Variants in HS2ST1 observed in about 807,000 individuals in gnomAD.
HS2ST1 encodes the protein heparan sulfate 2-O-sulfotransferase 1.
HS2ST1 carries 18 observed loss-of-function variants against 42.9 expected under a neutral mutation model. The observed-to-expected ratio is 0.42, with a 90% CI of 0.29 to 0.62. The LOEUF (loss-of-function observed/expected upper bound fraction) is 0.62, where lower values mean the gene tolerates loss of function less well. Among genes scored for constraint, HS2ST1 ranks in the 20% least tolerant of loss-of-function variants. The pLI, the probability that HS2ST1 is intolerant of heterozygous loss-of-function variation, is 0.21. For synonymous variants in HS2ST1, 146 were observed against 152.9 expected, an observed-to-expected ratio of 0.95 and a Z score of 0.33; for missense variants, 334 against 433.8, an observed-to-expected ratio of 0.77 and a Z score of 2.04.
intron 1 of HS2ST1, chr1:86,932,378 TCTC>T (rs1372649919): frequency 6.6e-6 from 1 of 152,030 alleles, no homozygotes; most frequent in African/African-American, 2.4e-5. Context: ...ATGTTATAAT[TCTC>T]CTGGTTGTTC....
At chr1:87,016,330 C>G (rs1649757711) in intron 1 of HS2ST1, among the ~76,000 whole-genome samples, 1 of 152,164 alleles carries the variant, frequency 6.6e-6, no homozygotes, top group African/African-American at 2.4e-5. Flanking sequence ...CTCTTCACCT[C>G]CCATTAGAAA....
chr1:86,963,763 G>A lies in HS2ST1; in HGVS notation c.124+48603G>A, dbSNP rs1349819700. On this transcript the variant is annotated intron_variant, in intron 1 of 6. Transcript: ENST00000370550. The stretch of plus-strand genomic sequence containing the variant: ...AGAGGCGCCCCCCCCCCCACCTCCC[G>A]GACGGGGCAGCTGGCCGGGTGGGGG... Among the ~76,000 whole-genome samples the A allele has an allele frequency of 1.2e-4, 16 of 131,936 alleles. No homozygotes were observed. The East Asian group carries it at 1.5e-3, about 13-fold the overall frequency. 86.6% of individuals were successfully genotyped at this position (131,936 alleles called of 152,430 possible).
At chr1:87,060,777 A>G (rs1214757052) in intron 1 of HS2ST1, among the ~76,000 whole-genome samples, 2 of 152,200 alleles carry the variant, frequency 1.3e-5, no homozygotes, top group African/African-American at 4.8e-5. Flanking sequence ...GTATAGCCAT[A>G]GCCAAGCTTG....
chr1:86,933,532 T>G (rs1660584725), intron 1 of HS2ST1, among the ~76,000 whole-genome samples: 1 of 152,164 alleles, frequency 6.6e-6, no homozygotes, highest in African/African-American at 2.4e-5. Flanking sequence ...CTGCCTACAG[T>G]GGGCATCAGT....
Position 87,050,606 on chromosome 1 carries a change from C to G in HS2ST1, c.125-22328C>G, listed in dbSNP as rs116298599. Among the ~76,000 whole-genome samples, 303 of 152,170 alleles carry G rather than the reference C, an allele frequency of 2.0e-3. 1 individual carries two copies. Among genetic ancestry groups the G allele is most frequent in the Non-Finnish European group, 3.9e-3 (264 of 67,948 alleles). On this transcript the variant is annotated intron_variant, in intron 1 of 6. Transcript: ENST00000370550. ...CTCCAGTGTTGCTTTCTAATATCTT[C>G]TGTTTGTTATTGATTTTAGACTACT...
chr1:87,046,097 A>G (rs1273530445), intron 1 of HS2ST1: 3 of 671,956 alleles, frequency 4.5e-6, no homozygotes, highest in Non-Finnish European at 8.5e-6. Context: ...ATAATGTGGC[A>G]TATTTTTGAC....
chr1:86,985,697 G>C (rs1299886472), intron 1 of HS2ST1, among the ~76,000 whole-genome samples: 11 of 151,684 alleles, frequency 7.3e-5, no homozygotes, highest in Non-Finnish European at 5.9e-5. Context: ...CCTGGCAGGA[G>C]CATAAATGGC....
intron 1 of HS2ST1, among the ~76,000 whole-genome samples, chr1:86,969,986 G>A (rs557072515): frequency 3.9e-5 from 6 of 152,148 alleles, no homozygotes; most frequent in African/African-American, 7.2e-5. Flanking sequence ...TTAGCCAGGC[G>A]TGGTGGCACA....
chr1:86,965,768 T>C (rs896807896), intron 1 of HS2ST1, among the ~76,000 whole-genome samples: 1 of 152,148 alleles, frequency 6.6e-6, no homozygotes, highest in Admixed American at 6.5e-5. Context: ...TTTTTAGATA[T>C]CATAATGGAT....
intron 1 of HS2ST1, among the ~76,000 whole-genome samples, chr1:87,040,415 T>C (rs1201435522): frequency 1.3e-5 from 2 of 152,118 alleles, no homozygotes; most frequent in Non-Finnish European, 2.9e-5. Flanking sequence ...AATATGCCCA[T>C]TCTGCCCGTC....
intron 1 of HS2ST1, among the ~76,000 whole-genome samples, chr1:86,979,653 T>G (rs1648521614): frequency 6.6e-6 from 1 of 152,254 alleles, no homozygotes; most frequent in Non-Finnish European, 1.5e-5. Context: ...TTGTGACTAG[T>G]GCTGCCATGA....
intron 3 of HS2ST1, among the ~76,000 whole-genome samples, chr1:87,084,836 GTCAC>G (rs66857719): frequency 0.078 from 11,141 of 143,076 alleles, 1,340 homozygotes; most frequent in African/African-American, 0.27. Flanking sequence ...CTCCCTCCCT[GTCAC>G]TCACTCACTC....
chr1:87,044,865 C>T, intron 1 of HS2ST1: 1 of 1,028,080 alleles, frequency 9.7e-7, no homozygotes, highest in Non-Finnish European at 1.4e-6. Context: ...AAGGACATAA[C>T]AAATAATCTG....
At chr1:87,008,654 A>G (rs1178867271) in intron 1 of HS2ST1, among the ~76,000 whole-genome samples, 2 of 152,206 alleles carry the variant, frequency 1.3e-5, no homozygotes, top group East Asian at 3.8e-4. Flanking sequence ...TTATTAGGAA[A>G]CAATGCAGGA....
chr1:87,004,486 T>C (rs753382674), intron 1 of HS2ST1, among the ~76,000 whole-genome samples: 6 of 152,172 alleles, frequency 3.9e-5, no homozygotes, highest in Non-Finnish European at 8.8e-5. Context: ...CCTTACCCTT[T>C]TGACATATAT....
intron 1 of HS2ST1, among the ~76,000 whole-genome samples, chr1:87,000,528 G>A (rs984417056): frequency 7.9e-5 from 12 of 152,258 alleles, no homozygotes; most frequent in South Asian, 4.1e-4. Flanking sequence ...ACTAAGTGGC[G>A]TCTGGCATCA....
At chr1:86,955,012 C>T (rs1647637308) in intron 1 of HS2ST1, among the ~76,000 whole-genome samples, 1 of 152,018 alleles carries the variant, frequency 6.6e-6, no homozygotes, top group Non-Finnish European at 1.5e-5. Context: ...GTGGGCGAAT[C>T]ACTTGAACTG....
intron 1 of HS2ST1, among the ~76,000 whole-genome samples, chr1:87,057,870 G>GA (rs935961543): frequency 2.0e-5 from 3 of 150,864 alleles, no homozygotes; most frequent in South Asian, 2.1e-4. Flanking sequence ...AAAAGAGAGA[G>GA]AAAAAAAACT....
At chr1:86,922,105 T>A (rs1427132517) in intron 1 of HS2ST1, among the ~76,000 whole-genome samples, 1 of 151,968 alleles carries the variant, frequency 6.6e-6, no homozygotes, top group African/African-American at 2.4e-5. Context: ...TCTTTAGGAT[T>A]AAAGGGGTAT....
Sources: allele counts gnomAD v4.1 joint callset (sites outside exome capture counted in the v4.1 genomes callset), GRCh38; gene constraint gnomAD v4.1.1; transcripts MANE v1.5; gene names NCBI Gene and HGNC (gene_info 2026-07-23, HGNC 2026-07-21).